PPP2R5C: variants seen among roughly 807,000 people sequenced by gnomAD.
PPP2R5C encodes the protein protein phosphatase 2 regulatory subunit B'gamma.
PPP2R5C carries 7 observed loss-of-function variants against 68.9 expected under a neutral mutation model. That is an observed-to-expected ratio of 0.10 (90% CI 0.06 to 0.19). PPP2R5C has a LOEUF of 0.19. Among genes scored for constraint, PPP2R5C ranks in the 10% least tolerant of loss-of-function variants. The probability of loss-of-function intolerance (pLI) is 1.00; values close to 1 mark genes in which losing one functional copy is unlikely to be tolerated. For missense variants in PPP2R5C, 348 were observed against 641.3 expected, an observed-to-expected ratio of 0.54 and a Z score of 4.94; for synonymous variants, 210 against 222.2, an observed-to-expected ratio of 0.95 and a Z score of 0.49.
chr14:101,919,978 A>AAAAAAACAAAAC (rs2046918599), intron 13 of PPP2R5C, among the ~76,000 whole-genome samples: 1 of 150,032 alleles, frequency 6.7e-6, no homozygotes, highest in African/African-American at 2.5e-5. Context: ...TCAAAAAAAA[A>AAAAAAACAAAAC]AAAAAAAAAA....
intron 1 of PPP2R5C, among the ~76,000 whole-genome samples, chr14:101,844,303 G>A (rs1277655557): frequency 6.6e-6 from 1 of 152,080 alleles, no homozygotes; most frequent in Admixed American, 6.5e-5. Context: ...GGCCGGAGCG[G>A]TCTGGCACTG....
chr14:101,890,373 G>A, intron 6 of PPP2R5C, 77 bp downstream of exon 8: 1 of 1,389,622 alleles, frequency 7.2e-7, no homozygotes, highest in Non-Finnish European at 1.0e-6. Context: ...GAGTCCAGCT[G>A]CCCGCTTTAA....
At chr14:101,831,639 A>G in intron 1 of PPP2R5C, 1 of 638,240 alleles carries the variant, frequency 1.6e-6, no homozygotes, top group Non-Finnish European at 2.9e-6. Context: ...TTGACCCTTG[A>G]ACGTCACAAG....
chr14:101,806,304 C>G (rs1313816844), upstream of PPP2R5C, among the ~76,000 whole-genome samples: 2 of 151,986 alleles, frequency 1.3e-5, no homozygotes, highest in Admixed American at 1.3e-4. Context: ...GTTCCCCTCC[C>G]TGTGTCCATG....
chr14:101,909,895 T>C (rs2046291112), intron 11 of PPP2R5C, among the ~76,000 whole-genome samples: 1 of 152,268 alleles, frequency 6.6e-6, no homozygotes. Context: ...TCCCCCCTTG[T>C]ATTGCCAGAT....
chr14:101,880,681 C>A (rs2044108281), intron 2 of PPP2R5C, among the ~76,000 whole-genome samples: 1 of 151,964 alleles, frequency 6.6e-6, no homozygotes, highest in South Asian at 2.1e-4. Context: ...CTGGTAGTCC[C>A]AGCTACTTGG....
At chr14:101,883,549 A>G in exon 5 of PPP2R5C, 1 of 1,613,006 alleles carries the variant, frequency 6.2e-7, no homozygotes. Context: ...ACAGATAAAT[A>G]ATATATTTTA....
upstream of PPP2R5C, among the ~76,000 whole-genome samples, chr14:101,805,437 A>C (rs1051527346): frequency 6.6e-6 from 1 of 152,348 alleles, no homozygotes; most frequent in East Asian, 1.9e-4. Flanking sequence ...AGTTCTTCCA[A>C]ATATTACACA....
At chr14:101,908,370 TTTTA>T (rs747587870) in intron 10 of PPP2R5C, among the ~76,000 whole-genome samples, 2 of 152,102 alleles carry the variant, frequency 1.3e-5, no homozygotes, top group Non-Finnish European at 2.9e-5. Context: ...CATTGATTTA[TTTTA>T]TTTATTTATT....
At chr14:101,839,055 GAA>G (rs112929033) in intron 1 of PPP2R5C, 1,337 of 84,886 alleles carry the variant, frequency 0.016, 9 homozygotes, top group African/African-American at 0.041. Flanking sequence ...AATTAGAAAA[GAA>G]AAAAAAAAAA....
rs1413878650 is a variant in PPP2R5C, at chr14:101,787,571, G to A, written c.259+1388G>A. Among the ~76,000 whole-genome samples, 5 of 147,488 alleles carry A rather than the reference G, an allele frequency of 3.4e-5. No homozygotes were observed. In the South Asian group the frequency reaches 6.3e-4, roughly 19 times the overall value. On this transcript the variant is annotated intron_variant, in intron 3 of 14. Coordinates refer to the PPP2R5C transcript ENST00000328724. ...GAGGTCAGGAGATCAAGACCATCCT[G>A]GCTAACATGGTGAAACCCCGTCTCT...
intron 7 of PPP2R5C, among the ~76,000 whole-genome samples, chr14:101,894,280 C>G (rs989155911): frequency 6.6e-6 from 1 of 152,200 alleles, no homozygotes; most frequent in Non-Finnish European, 1.5e-5. Flanking sequence ...GGTGGTTAGA[C>G]TAAAAAGACT....
intron 1 of PPP2R5C, among the ~76,000 whole-genome samples, chr14:101,842,027 C>T (rs537561768): frequency 6.6e-6 from 1 of 152,070 alleles, no homozygotes; most frequent in Non-Finnish European, 1.5e-5. Flanking sequence ...CCTGCAGGTT[C>T]CCCCCACCAA....
intron 5 of PPP2R5C, chr14:101,890,021 T>A (rs532373060): frequency 4.6e-6 from 3 of 658,240 alleles, no homozygotes; most frequent in South Asian, 1.5e-5. Flanking sequence ...GAGAAAAAAA[T>A]TCGTGCAAGA....
intron 2 of PPP2R5C, among the ~76,000 whole-genome samples, chr14:101,768,910 C>T (rs2037004219): frequency 1.3e-5 from 2 of 151,872 alleles, no homozygotes; most frequent in Admixed American, 6.6e-5. Flanking sequence ...CTGCCAGCTC[C>T]GCCTCCCGGA....
chr14:101,912,555 G>GT, intron 12 of PPP2R5C, 82 bp downstream of exon 14: 1 of 1,420,602 alleles, frequency 7.0e-7, no homozygotes, highest in Non-Finnish European at 9.2e-7. Flanking sequence ...CTTCACCATG[G>GT]GGGGGGTCTC....
In PPP2R5C at chr14:101,791,309, T is replaced by C. The variant is rs185610815; in HGVS notation, c.259+5126T>C. ...CCAATGACTGGAAATTTTAAGCATC[T>C]TTTCATATGCCTGTTAGCCATTTGT... is the stretch of plus-strand genomic sequence containing the variant. On this transcript the variant is annotated intron_variant, in intron 3 of 14. Transcript: ENST00000328724. Among the ~76,000 whole-genome samples the C allele has an allele frequency of 1.3e-3, 200 of 152,318 alleles. 3 individuals are homozygous for C. Among genetic ancestry groups the C allele is most frequent in the Admixed American group, 0.012 (189 of 15,300 alleles).
At chr14:101,772,571 G>A (rs1398553386) in intron 2 of PPP2R5C, among the ~76,000 whole-genome samples, 3 of 152,100 alleles carry the variant, frequency 2.0e-5, no homozygotes, top group African/African-American at 4.8e-5. Context: ...GAGTCGGGTG[G>A]ATCACCTAAG....
At chr14:101,926,092 A>G (rs1352534139) in exon 14 of PPP2R5C, 2 of 152,270 alleles carry the variant, frequency 1.3e-5, no homozygotes, top group African/African-American at 4.8e-5. Flanking sequence ...CAACTTAAAC[A>G]TTGTTGCCCT....
Sources: allele counts gnomAD v4.1 joint callset (sites outside exome capture counted in the v4.1 genomes callset), GRCh38; gene constraint gnomAD v4.1.1; transcripts MANE v1.5; gene names NCBI Gene and HGNC (gene_info 2026-07-23, HGNC 2026-07-21).